The following KCNQ3 variants were observed in gnomAD, a reference collection of about 807,000 sequenced individuals.
The protein encoded by KCNQ3 is potassium voltage-gated channel subfamily Q member 3, also known as potassium voltage-gated channel subfamily KQT member 3.
In KCNQ3, 30 loss-of-function variants were observed where a neutral mutation model predicts 92.5. The ratio of observed to expected loss-of-function variants is 0.32; its 90% CI spans 0.24 to 0.44. The LOEUF is 0.44. Ranked by LOEUF, KCNQ3 falls within the 20% of genes least tolerant of loss-of-function variation. The pLI is 1.00. For synonymous variants in KCNQ3, 450 were observed against 468.8 expected (o/e 0.96, Z 0.52); for missense variants, 913 against 1,140.3 (o/e 0.80, Z 2.87).
intron 1 of KCNQ3, among the ~76,000 whole-genome samples, chr8:132,190,941 C>T (rs1827136009): frequency 6.6e-6 from 1 of 152,188 alleles, no homozygotes; most frequent in Non-Finnish European, 1.5e-5. Context: ...ATGTCTTGTT[C>T]CTCTCTGTAT....
intron 1 of KCNQ3, among the ~76,000 whole-genome samples, chr8:132,448,502 GAA>G: frequency 0.048 from 4,539 of 93,864 alleles, 80 homozygotes; most frequent in African/African-American, 0.061. Context: ...GGAGAAATAT[GAA>G]AAAAAAAAAA....
At chr8:132,213,636 T>C (rs955524052) in intron 1 of KCNQ3, among the ~76,000 whole-genome samples, 1 of 152,176 alleles carries the variant, frequency 6.6e-6, no homozygotes, top group Non-Finnish European at 1.5e-5. Context: ...CCTCCCTGGC[T>C]CAAAGGCCAC....
chr8:132,406,297 G>A (rs1027430965), intron 1 of KCNQ3, among the ~76,000 whole-genome samples: 3 of 152,134 alleles, frequency 2.0e-5, no homozygotes, highest in African/African-American at 7.2e-5. Context: ...GTGGGAAGGA[G>A]GGGACTCGGG....
intron 5 of KCNQ3, among the ~76,000 whole-genome samples, chr8:132,175,214 C>G (rs1826507826): frequency 6.6e-6 from 1 of 152,236 alleles, no homozygotes; most frequent in South Asian, 2.1e-4. Context: ...CATAAACGAC[C>G]ATGCAACCAG....
At chr8:132,477,678 A>G (rs1462359193) in intron 1 of KCNQ3, among the ~76,000 whole-genome samples, 1 of 152,078 alleles carries the variant, frequency 6.6e-6, no homozygotes. Context: ...TTCATCCTCA[A>G]TTTTCCTAAC....
intron 1 of KCNQ3, among the ~76,000 whole-genome samples, chr8:132,372,256 T>C (rs1304864033): frequency 2.6e-5 from 4 of 152,184 alleles, no homozygotes; most frequent in East Asian, 3.8e-4. Context: ...GTCAGCTCCA[T>C]AGGGCTTTTC....
chr8:132,401,194 G>A (rs950772398), intron 1 of KCNQ3, among the ~76,000 whole-genome samples: 1 of 152,114 alleles, frequency 6.6e-6, no homozygotes, highest in African/African-American at 2.4e-5. Context: ...GAGACTGAGC[G>A]GAGAATCCTC....
chr8:132,455,892 C>A (rs541676881), intron 1 of KCNQ3, among the ~76,000 whole-genome samples: 79 of 152,212 alleles, frequency 5.2e-4, no homozygotes, highest in African/African-American at 1.8e-3. Context: ...CAGGCACCCA[C>A]CACCAAGCCT....
chr8:132,130,059 T>C (rs1824822314), intron 14 of KCNQ3, 63 bp from the exon 15 acceptor site: 1 of 1,534,712 alleles, frequency 6.5e-7, no homozygotes, highest in Admixed American at 1.8e-5. Context: ...TTGCTATTGG[T>C]TGGGAGGAAA....
At chr8:132,431,354 T>C (rs571288406) in intron 1 of KCNQ3, among the ~76,000 whole-genome samples, 22 of 152,284 alleles carry the variant, frequency 1.4e-4, no homozygotes, top group Admixed American at 4.6e-4. Flanking sequence ...AGTCTTTCAG[T>C]TCCAGGCTTG....
At chr8:132,473,141 G>A (rs1165965021) in intron 1 of KCNQ3, among the ~76,000 whole-genome samples, 1 of 151,944 alleles carries the variant, frequency 6.6e-6, no homozygotes, top group Non-Finnish European at 1.5e-5. Context: ...TACTGAGGAA[G>A]GAAAGGCAAA....
chr8:132,349,084 G>A (rs1818782569), intron 1 of KCNQ3, among the ~76,000 whole-genome samples: 1 of 152,154 alleles, frequency 6.6e-6, no homozygotes, highest in African/African-American at 2.4e-5. Flanking sequence ...GAGCTAGATG[G>A]TCCTGGAGAG....
intron 1 of KCNQ3, among the ~76,000 whole-genome samples, chr8:132,446,844 G>T (rs1248734957): frequency 1.3e-5 from 2 of 152,176 alleles, no homozygotes; most frequent in Non-Finnish European, 1.5e-5. Context: ...CTCCCAAACA[G>T]AAATCAGGCT....
chr8:132,239,997 C>T (rs6471048), intron 1 of KCNQ3, among the ~76,000 whole-genome samples: 87,703 of 151,916 alleles, frequency 0.58, 26,104 homozygotes, highest in East Asian at 0.81. Flanking sequence ...GATTCTGCTA[C>T]CTATTTTATT....
intron 1 of KCNQ3, among the ~76,000 whole-genome samples, chr8:132,460,866 C>T (rs1355358851): frequency 6.6e-6 from 1 of 152,182 alleles, no homozygotes; most frequent in Non-Finnish European, 1.5e-5. Flanking sequence ...TAAAATATCA[C>T]CTGCGCTTCA....
At position 132,234,771 on chromosome 8, in the gene KCNQ3, T is replaced by C. The variant is rs149619466; in HGVS notation, c.387-48590A>G. Reference sequence around the variant, plus strand: ...AGGGAAGTTGTCCAGCCCCATAGCTTGTGCTCTTGTCACCACATCAGGTTG... The same window carrying C: ...AGGGAAGTTGTCCAGCCCCATAGCTCGTGCTCTTGTCACCACATCAGGTTG... On this transcript the variant is annotated intron_variant, in intron 1 of 14. Transcript: ENST00000388996. 5.2e-3 allele frequency among the ~76,000 whole-genome samples: 791 copies of C among 152,280 alleles called. 6 individuals are homozygous for C. Among genetic ancestry groups the C allele is most frequent in the South Asian group, 0.031 (150 of 4,808 alleles).
chr8:132,387,189 T>G (rs573013796), intron 1 of KCNQ3, among the ~76,000 whole-genome samples: 19 of 152,248 alleles, frequency 1.2e-4, no homozygotes, highest in Non-Finnish European at 2.6e-4. Flanking sequence ...CATGTCCAAA[T>G]AGGATAGCAT....
At chr8:132,368,371 T>C (rs1180242808) in intron 1 of KCNQ3, among the ~76,000 whole-genome samples, 1 of 152,158 alleles carries the variant, frequency 6.6e-6, no homozygotes, top group East Asian at 1.9e-4. Context: ...ATAATATAAA[T>C]AGTCGTGCAC....
At chr8:132,254,626 A>T (rs1815519941) in intron 1 of KCNQ3, among the ~76,000 whole-genome samples, 1 of 152,228 alleles carries the variant, frequency 6.6e-6, no homozygotes, top group Non-Finnish European at 1.5e-5. Context: ...TCATGCCTGT[A>T]ATCTCGGTAC....
Sources: gnomAD v4.1 joint callset for allele counts (sites outside exome capture counted in the v4.1 genomes callset) on GRCh38, gnomAD v4.1.1 for gene constraint, MANE v1.5 for transcripts, NCBI Gene and HGNC (gene_info 2026-07-23, HGNC 2026-07-21) for gene names.